Variants in RPS6KC1 observed in about 807,000 individuals in gnomAD.
RPS6KC1 encodes ribosomal protein S6 kinase C1, also known as inactive ribosomal protein S6 kinase delta-1.
RPS6KC1 carries 54 observed loss-of-function variants against 103.8 expected under a neutral mutation model. The ratio of observed to expected loss-of-function variants is 0.52; its 90% CI spans 0.42 to 0.65. RPS6KC1 has a LOEUF of 0.65. Among genes scored for constraint, RPS6KC1 ranks in the 30% least tolerant of loss-of-function variants. RPS6KC1 has a pLI of 0.00. For synonymous variants in RPS6KC1, 439 were observed against 438.7 expected (o/e 1.00, Z -0.01); for missense variants, 1,151 against 1,253.8 (o/e 0.92, Z 1.24).
the RPS6KC1 span, among the ~76,000 whole-genome samples, chr1:213,480,685 A>T: frequency 9.9e-5 from 15 of 152,072 alleles, no homozygotes; most frequent in South Asian, 1.2e-3. Flanking sequence ...TTGTAGTAAA[A>T]TTTTTGATGC....
chr1:213,773,616 T>A, the RPS6KC1 span, among the ~76,000 whole-genome samples: 1 of 151,654 alleles, frequency 6.6e-6, no homozygotes, highest in African/African-American at 2.4e-5. Context: ...GGAAATTGCA[T>A]TTTATGTTTG....
chr1:213,460,087 T>C, the RPS6KC1 span, among the ~76,000 whole-genome samples: 5 of 152,346 alleles, frequency 3.3e-5, no homozygotes, highest in Non-Finnish European at 7.3e-5. Context: ...GTTCTGTAGA[T>C]GTCTATTAGG....
chr1:213,267,192 A>C (rs973671858), intron 14 of RPS6KC1, among the ~76,000 whole-genome samples: 2 of 151,976 alleles, frequency 1.3e-5, no homozygotes, highest in African/African-American at 2.4e-5. Flanking sequence ...AGAGAACAGA[A>C]GCTTGAAGGG....
At chr1:213,424,801 C>T in the RPS6KC1 span, among the ~76,000 whole-genome samples, 1 of 152,258 alleles carries the variant, frequency 6.6e-6, no homozygotes. Context: ...TGAGGTGTAG[C>T]AGCCCCTTCC....
the RPS6KC1 span, among the ~76,000 whole-genome samples, chr1:213,421,527 G>A: frequency 6.6e-6 from 1 of 152,230 alleles, no homozygotes; most frequent in Non-Finnish European, 1.5e-5. Flanking sequence ...AAATAGTATA[G>A]TGAGAAAAAC....
chr1:213,546,760 C>T, the RPS6KC1 span, among the ~76,000 whole-genome samples: 12 of 152,202 alleles, frequency 7.9e-5, no homozygotes, highest in African/African-American at 2.4e-4. Context: ...CACCAACCCT[C>T]ACACCATTTC....
chr1:213,168,057 T>A (rs1405073474), intron 7 of RPS6KC1, 84 bp downstream of exon 7: 2 of 779,382 alleles, frequency 2.6e-6, no homozygotes, highest in Non-Finnish European at 4.0e-6. Context: ...TAGAATGTTA[T>A]AGGATTTTGA....
At chr1:213,713,066 A>C in the RPS6KC1 span, among the ~76,000 whole-genome samples, 126,516 of 152,090 alleles carry the variant, frequency 0.83, 52,773 homozygotes, top group African/African-American at 0.89. Flanking sequence ...ATCAGTGGAG[A>C]CTTCTATTCT....
chr1:213,514,726 A>G, the RPS6KC1 span, among the ~76,000 whole-genome samples: 3 of 152,144 alleles, frequency 2.0e-5, no homozygotes, highest in African/African-American at 7.2e-5. Context: ...ATGTTTTATA[A>G]TCCTTTGGGT....
chr1:213,143,349 AT>A (rs936243458), intron 6 of RPS6KC1, among the ~76,000 whole-genome samples: 1 of 146,822 alleles, frequency 6.8e-6, no homozygotes, highest in African/African-American at 2.5e-5. Flanking sequence ...TTTGTTATGT[AT>A]TTTTTTTTCT....
chr1:213,122,384 C>T (rs1031246737), intron 5 of RPS6KC1, among the ~76,000 whole-genome samples: 1 of 151,890 alleles, frequency 6.6e-6, no homozygotes, highest in African/African-American at 2.4e-5. Context: ...AAATCTGTAT[C>T]GAAATACCAT....
At chr1:213,434,080 G>GT in the RPS6KC1 span, among the ~76,000 whole-genome samples, 4 of 132,378 alleles carry the variant, frequency 3.0e-5, no homozygotes, top group African/African-American at 1.1e-4. Context: ...ATTAGTGTTT[G>GT]TTTTTTCATT....
chr1:213,851,289 A>G, the RPS6KC1 span, among the ~76,000 whole-genome samples: 1 of 152,212 alleles, frequency 6.6e-6, no homozygotes, highest in Non-Finnish European at 1.5e-5. Context: ...TCATCTCTGT[A>G]TCACCTACCT....
chr1:213,538,630 G>A, the RPS6KC1 span, among the ~76,000 whole-genome samples: 1 of 152,192 alleles, frequency 6.6e-6, no homozygotes, highest in African/African-American at 2.4e-5. Flanking sequence ...TGGAGCAGAA[G>A]GTCAGGTTGG....
the RPS6KC1 span, among the ~76,000 whole-genome samples, chr1:213,471,899 T>C: frequency 6.6e-6 from 1 of 152,122 alleles, no homozygotes; most frequent in African/African-American, 2.4e-5. Context: ...TCCTTCTCTA[T>C]TTTGACTTGG....
At chr1:213,131,058 G>A (rs1159499667) in intron 6 of RPS6KC1, among the ~76,000 whole-genome samples, 1 of 152,098 alleles carries the variant, frequency 6.6e-6, no homozygotes, top group Non-Finnish European at 1.5e-5. Flanking sequence ...TCTGGAGGGA[G>A]AATAGCTAAA....
At chr1:213,635,330 T>C in the RPS6KC1 span, among the ~76,000 whole-genome samples, 40 of 152,280 alleles carry the variant, frequency 2.6e-4, no homozygotes, top group Admixed American at 4.6e-4. Flanking sequence ...AAAAGAGAAT[T>C]TTAGACCAAT....
the RPS6KC1 span, among the ~76,000 whole-genome samples, chr1:213,705,926 C>T: frequency 2.0e-5 from 3 of 152,186 alleles, no homozygotes; most frequent in African/African-American, 7.2e-5. Flanking sequence ...TCTTACTGTA[C>T]CTATGTTGCT....
At chr1:213,375,130 CAT>C in the RPS6KC1 span, among the ~76,000 whole-genome samples, 4 of 151,724 alleles carry the variant, frequency 2.6e-5, no homozygotes, top group Non-Finnish European at 2.9e-5. Context: ...TACACATACA[CAT>C]ATATACACAC....
Sources: gnomAD v4.1 joint callset for allele counts (sites outside exome capture counted in the v4.1 genomes callset) on GRCh38, gnomAD v4.1.1 for gene constraint, MANE v1.5 for transcripts, NCBI Gene and HGNC (gene_info 2026-07-23, HGNC 2026-07-21) for gene names.